The following QTGAL variants were observed in gnomAD, a reference collection of about 807,000 sequenced individuals.
The protein encoded by QTGAL is queuosine-tRNA galactosyltransferase, also known as BGnT-like protein 1.
the QTGAL span, among the ~76,000 whole-genome samples, chr17:83,025,918 C>T: frequency 1.3e-5 from 2 of 152,182 alleles, no homozygotes; most frequent in African/African-American, 4.8e-5. Flanking sequence ...CACACGTACT[C>T]GGGGTGACAT....
chr17:83,045,760 A>T, the QTGAL span, among the ~76,000 whole-genome samples: 3 of 152,260 alleles, frequency 2.0e-5, no homozygotes, highest in Admixed American at 2.0e-4. Context: ...CTCAATTTTT[A>T]AAATGGCCAA....
At chr17:82,947,340 C>T in the QTGAL span, 1 of 268,648 alleles carries the variant, frequency 3.7e-6, no homozygotes, top group Non-Finnish European at 7.1e-6. Context: ...CACACCCACC[C>T]CTCTGCACAG....
At chr17:83,018,303 G>T in the QTGAL span, among the ~76,000 whole-genome samples, 1 of 144,472 alleles carries the variant, frequency 6.9e-6, no homozygotes, top group Non-Finnish European at 1.5e-5. Flanking sequence ...CCTGCATCAG[G>T]TACCACACAT....
the QTGAL span, among the ~76,000 whole-genome samples, chr17:82,989,230 CA>C: frequency 1.2e-4 from 18 of 151,930 alleles, 1 homozygote. Context: ...TTATCCTCAG[CA>C]AACCAAAACA....
the QTGAL span, among the ~76,000 whole-genome samples, chr17:83,040,044 C>A: frequency 2.6e-5 from 4 of 152,290 alleles, no homozygotes; most frequent in Non-Finnish European, 4.4e-5. Flanking sequence ...AGGACCAAGT[C>A]CACTAGAAAG....
At chr17:82,955,836 A>C in the QTGAL span, among the ~76,000 whole-genome samples, 1 of 152,196 alleles carries the variant, frequency 6.6e-6, no homozygotes, top group Non-Finnish European at 1.5e-5. Flanking sequence ...GAATGAGTTC[A>C]TGTCCTTTGC....
At chr17:83,021,072 A>G in the QTGAL span, among the ~76,000 whole-genome samples, 1 of 152,194 alleles carries the variant, frequency 6.6e-6, no homozygotes, top group East Asian at 1.9e-4. Flanking sequence ...TGATACTTTA[A>G]TGATACTTTA....
chr17:82,965,352 C>T, the QTGAL span, among the ~76,000 whole-genome samples: 3 of 152,198 alleles, frequency 2.0e-5, no homozygotes, highest in South Asian at 2.1e-4. Context: ...CCGTGTCCTG[C>T]GCTTTCCCAG....
chr17:83,017,553 T>TGG, the QTGAL span, among the ~76,000 whole-genome samples: 1,106 of 152,000 alleles, frequency 7.3e-3, 13 homozygotes, highest in African/African-American at 0.026. Context: ...AACCTGGAGG[T>TGG]GGAGGCTGCA....
the QTGAL span, among the ~76,000 whole-genome samples, chr17:82,987,729 G>C: frequency 6.6e-6 from 1 of 152,118 alleles, no homozygotes; most frequent in East Asian, 1.9e-4. Context: ...TGTTCTTTTT[G>C]CTTAGGACTG....
the QTGAL span, among the ~76,000 whole-genome samples, chr17:83,033,897 A>G: frequency 6.6e-6 from 1 of 152,172 alleles, no homozygotes; most frequent in Non-Finnish European, 1.5e-5. Flanking sequence ...CCACTCTGAG[A>G]GTCTGCTTCT....
chr17:82,954,103 T>C, the QTGAL span, among the ~76,000 whole-genome samples: 1 of 152,182 alleles, frequency 6.6e-6, no homozygotes, highest in Non-Finnish European at 1.5e-5. Flanking sequence ...GGATGGCCTC[T>C]CACCACTCCT....
chr17:82,994,533 G>C, the QTGAL span, among the ~76,000 whole-genome samples: 2 of 152,034 alleles, frequency 1.3e-5, no homozygotes, highest in Non-Finnish European at 2.9e-5. Context: ...TCAATAACAA[G>C]TAACAGGGTC....
chr17:82,956,567 G>C, the QTGAL span: 1 of 1,097,994 alleles, frequency 9.1e-7, no homozygotes, highest in Non-Finnish European at 1.3e-6. The surrounding 1 kb of genome is among the most constrained non-coding windows in gnomAD (Gnocchi z 5.7). Flanking sequence ...TGTGGCACCT[G>C]TCCCCATGCC....
chr17:83,009,010 C>T, the QTGAL span, among the ~76,000 whole-genome samples: 1 of 152,152 alleles, frequency 6.6e-6, no homozygotes, highest in Non-Finnish European at 1.5e-5. Context: ...AGGAAACTCA[C>T]ACCCCCAGGT....
At chr17:83,019,736 TC>T in the QTGAL span, among the ~76,000 whole-genome samples, 1 of 152,218 alleles carries the variant, frequency 6.6e-6, no homozygotes, top group Non-Finnish European at 1.5e-5. Context: ...AATAGAACTT[TC>T]TCTCTTTTTT....
At chr17:82,956,596 C>T in the QTGAL span, 1 of 1,313,718 alleles carries the variant, frequency 7.6e-7, no homozygotes, top group Middle Eastern at 2.4e-4. This position sits in a 1 kb window ranked among gnomAD's most constrained non-coding sequence, Gnocchi z 5.7. Flanking sequence ...GCTGGGGTCT[C>T]ATCCCAGGCC....
At chr17:82,989,495 T>TA in the QTGAL span, among the ~76,000 whole-genome samples, 32 of 122,506 alleles carry the variant, frequency 2.6e-4, no homozygotes, top group East Asian at 7.0e-4. Context: ...ATTCTGGAAC[T>TA]AAAAAAAAAA....
At chr17:83,048,702 G>T in the QTGAL span, 9 of 1,613,910 alleles carry the variant, frequency 5.6e-6, no homozygotes, top group African/African-American at 1.1e-4. Flanking sequence ...ACAGCTCCAT[G>T]GTACCTTCAA....
Sources: gnomAD v4.1 joint callset for allele counts (sites outside exome capture counted in the v4.1 genomes callset) on GRCh38, gnomAD v4.1.1 for gene constraint, Gnocchi (gnomAD v3.1) non-coding constraint, MANE v1.5 for transcripts, NCBI Gene and HGNC (gene_info 2026-07-23, HGNC 2026-07-21) for gene names.